Variants in RANGAP1 observed in about 807,000 individuals in gnomAD.
The protein encoded by RANGAP1 is Ran GTPase activating protein 1.
Under a neutral mutation model 63.5 loss-of-function variants are expected in RANGAP1, and 38 were observed. That is an observed-to-expected ratio of 0.60 (90% CI 0.46 to 0.78). The LOEUF is 0.78. Ranked by LOEUF, RANGAP1 falls within the 30% of genes least tolerant of loss-of-function variation. RANGAP1 has a pLI of 0.00. For missense variants in RANGAP1, 630 were observed against 740.3 expected, an observed-to-expected ratio of 0.85 and a Z score of 1.73; for synonymous variants, 329 against 310.5, an observed-to-expected ratio of 1.06 and a Z score of -0.63.
In RANGAP1 at chr22:41,256,149, C is replaced by G. The variant is rs762851030; in HGVS notation, c.988+42G>C. On this transcript the variant is annotated intron_variant, in intron 9 of 15. Transcript: ENST00000356244. ...GAGCAGTCAGCCGGGGTGCCAGGGCCAGCCTAGCAGACCTGTGCAGAGGCC... is the reference window on the plus strand; with the variant it reads ...GAGCAGTCAGCCGGGGTGCCAGGGCGAGCCTAGCAGACCTGTGCAGAGGCC... The G allele has an allele frequency of 3.7e-6, 6 of 1,613,578 alleles. No homozygotes were observed. In the South Asian group the frequency reaches 6.6e-5, roughly 18 times the overall value.
At position 41,278,575 on chromosome 22, in the gene RANGAP1, C is replaced by G. The variant is rs552472832; in HGVS notation, c.112+2358G>C. 3.3e-5 allele frequency among the ~76,000 whole-genome samples: 5 copies of G among 152,340 alleles called. No homozygotes were observed. In the South Asian group the frequency reaches 1.0e-3, roughly 32 times the overall value. On this transcript the variant is annotated intron_variant, in intron 2 of 15. Coordinates refer to ENST00000356244, the MANE Select transcript of RANGAP1 (RefSeq NM_002883.4). ...CTGTTTCCTAAACGGAGCTCAATGT[C>G]TAATTAGAAGCACAGGAATAGGGAT...
At chr22:41,292,301 C>T in the RANGAP1 span, among the ~76,000 whole-genome samples, 6 of 152,078 alleles carry the variant, frequency 3.9e-5, no homozygotes, top group South Asian at 1.2e-3. Flanking sequence ...GCGCCCAACA[C>T]CACGCCTGGT....
intron 1 of RANGAP1, chr22:41,281,631 C>G (rs1390955158): frequency 2.0e-6 from 2 of 986,386 alleles, no homozygotes; most frequent in Non-Finnish European, 2.4e-6. Context: ...CAACCGTGGC[C>G]GGGAGACTGG....
At chr22:41,261,383 G>A in intron 6 of RANGAP1, 63 bp downstream of exon 6, 3 of 1,603,560 alleles carry the variant, frequency 1.9e-6, no homozygotes, top group East Asian at 2.2e-5. Flanking sequence ...ATCCAGAACT[G>A]TCAGCCTACT....
the RANGAP1 span, among the ~76,000 whole-genome samples, chr22:41,292,841 C>G: frequency 2.6e-5 from 4 of 152,152 alleles, no homozygotes; most frequent in South Asian, 8.3e-4. Context: ...CAGTGGCTCA[C>G]GCCTGTATTC....
rs745787346 is a variant in RANGAP1, at chr22:41,252,890, G to A, written c.1362C>T (p.Ser454=). ...EKLLRLGPKS[S]VLIAQQTDTS... ...TTATTACCTGCTGGGCTATCAGCACGGAGCTCTTGGGCCCTAGGCGCAGCA... is the reference window on the plus strand; with the variant it reads ...TTATTACCTGCTGGGCTATCAGCACAGAGCTCTTGGGCCCTAGGCGCAGCA... The change falls in exon 12 of 16, where the codon TCC becomes TCT. Residue 454 remains serine (S), a synonymous_variant. Coordinates refer to ENST00000356244, the MANE Select transcript of RANGAP1 (RefSeq NM_002883.4). 3.5e-5 allele frequency: 55 copies of A among 1,574,600 alleles called. No individual in the cohort carries two copies. The highest frequency in any genetic ancestry group is 1.4e-4 in the South Asian group (12 of 87,786).
chr22:41,265,952 C>T (rs528885397), intron 4 of RANGAP1, among the ~76,000 whole-genome samples: 1 of 152,066 alleles, frequency 6.6e-6, no homozygotes, highest in East Asian at 1.9e-4. Context: ...CCTGTAATCC[C>T]AGCACTTTGG....
intron 2 of RANGAP1, chr22:41,280,576 G>T: frequency 3.9e-6 from 4 of 1,035,958 alleles, no homozygotes; most frequent in Non-Finnish European, 5.3e-6. Flanking sequence ...AGGCCTGCCT[G>T]GGATCATGGG....
At chr22:41,293,804 A>C in the RANGAP1 span, among the ~76,000 whole-genome samples, 12 of 151,214 alleles carry the variant, frequency 7.9e-5, no homozygotes, top group Non-Finnish European at 1.8e-4. Flanking sequence ...TTTTTAAAAT[A>C]CTTGGTTTTT....
Position 41,246,675 on chromosome 22 carries a change from G to A in RANGAP1, c.1695-3C>T, listed in dbSNP as rs1049186074. 1.9e-6 allele frequency: 3 copies of A among 1,561,504 alleles called. No homozygotes were observed. Among genetic ancestry groups the A allele is most frequent in the Non-Finnish European group, 2.6e-6 (3 of 1,151,044 alleles). On this transcript the variant is annotated splice_polypyrimidine_tract_variant and splice_region_variant and intron_variant, in intron 15 of 15. Transcript: ENST00000356244. ...AGGATTCCAGGGCGCTGTTGGGCCT[G>A]CGGGGAAAGAGGGGTCAGCAGGTCG...
chr22:41,249,618 G>A (rs2033295731), intron 14 of RANGAP1, 111 bp downstream of exon 14: 4 of 1,526,046 alleles, frequency 2.6e-6, no homozygotes, highest in Non-Finnish European at 2.7e-6. Flanking sequence ...GGCCCCGTGG[G>A]CGAGCCGGCT....
intron 3 of RANGAP1, among the ~76,000 whole-genome samples, chr22:41,270,481 T>C (rs1237389860): frequency 6.6e-6 from 1 of 152,012 alleles, no homozygotes; most frequent in Non-Finnish European, 1.5e-5. Context: ...AGGGTCTCAC[T>C]CTGTCGCCCA....
chr22:41,301,488 C>G, the RANGAP1 span: 3 of 152,102 alleles, frequency 2.0e-5, no homozygotes, highest in South Asian at 4.1e-4. Context: ...GCGACGGGAG[C>G]CGAGCTCTCT....
At chr22:41,281,775 G>T in intron 1 of RANGAP1, 11 of 397,082 alleles carry the variant, frequency 2.8e-5, no homozygotes, top group Non-Finnish European at 3.8e-5. Flanking sequence ...GAAGATTTGG[G>T]TAGAAATGGG....
Position 41,264,769 on chromosome 22 carries a change from C to T in RANGAP1, c.375G>A (p.Gly125=), listed in dbSNP as rs1330111721. 1 of 1,614,140 alleles carries T rather than the reference C, an allele frequency of 6.2e-7. No individual in the cohort carries two copies. The highest frequency in any genetic ancestry group is 8.5e-7 in the Non-Finnish European group (1 of 1,179,942). Residue 125 remains glycine (G), a synonymous_variant, in exon 5 of 16, where the codon GGG becomes GGA. Transcript: ENST00000356244. ...CCTCGAAGCCTTGCACACCGTCGGG[C>T]CCGAATGCGTTGTCGCTTAAGTCCA... is the stretch of plus-strand genomic sequence containing the variant. ...VELDLSDNAF[G]PDGVQGFEAL...
chr22:41,266,516 A>G (rs1413900032), intron 4 of RANGAP1, among the ~76,000 whole-genome samples: 1 of 152,230 alleles, frequency 6.6e-6, no homozygotes, highest in Non-Finnish European at 1.5e-5. Flanking sequence ...AGTTCTCTTC[A>G]CCATCTTTTC....
chr22:41,265,672 C>A (rs1159028406), intron 4 of RANGAP1, among the ~76,000 whole-genome samples: 10 of 152,154 alleles, frequency 6.6e-5, no homozygotes, highest in Non-Finnish European at 1.2e-4. Flanking sequence ...ACCTCCTGGG[C>A]TGGGGAGAGC....
intron 2 of RANGAP1, among the ~76,000 whole-genome samples, chr22:41,276,444 C>G (rs1219005591): frequency 6.6e-6 from 1 of 150,826 alleles, no homozygotes; most frequent in East Asian, 2.0e-4. Context: ...TTGAGACCAG[C>G]CTGTCCAATA....
intron 10 of RANGAP1, among the ~76,000 whole-genome samples, chr22:41,255,558 CCCA>C (rs2033776646): frequency 6.7e-6 from 1 of 149,880 alleles, no homozygotes; most frequent in East Asian, 2.0e-4. Flanking sequence ...CTCCCCAGGC[CCCA>C]CCACATCAGG....
Sources: gnomAD v4.1 joint callset for allele counts (sites outside exome capture counted in the v4.1 genomes callset) on GRCh38, gnomAD v4.1.1 for gene constraint, MANE v1.5 for transcripts, NCBI Gene and HGNC (gene_info 2026-07-23, HGNC 2026-07-21) for gene names.